Variants in ANK2 observed in about 807,000 individuals in gnomAD.
ANK2 encodes ankyrin-2.
ANK2 carries 83 observed loss-of-function variants against 360.5 expected under a neutral mutation model. That is an observed-to-expected ratio of 0.23 (90% CI 0.19 to 0.28). The LOEUF is 0.28. ANK2 is among the 10% of genes least tolerant of loss of function. The pLI is 1.00. For synonymous variants in ANK2, 1,740 were observed against 1,759.5 expected (o/e 0.99, Z 0.28); for missense variants, 4,201 against 4,795.7 (o/e 0.88, Z 3.66).
intron 2 of ANK2, among the ~76,000 whole-genome samples, chr4:113,012,553 A>T (rs1043917768): frequency 6.6e-6 from 1 of 152,196 alleles, no homozygotes; most frequent in African/African-American, 2.4e-5. Context: ...CGGTGTTTCA[A>T]GTGAGATACC....
At chr4:113,335,387 A>G (rs2093381205) in intron 29 of ANK2, among the ~76,000 whole-genome samples, 1 of 152,218 alleles carries the variant, frequency 6.6e-6, no homozygotes, top group East Asian at 1.9e-4. Flanking sequence ...CTGAAAACCC[A>G]AAGGGCTATG....
At chr4:112,751,747 A>G in the ANK2 span, among the ~76,000 whole-genome samples, 1 of 152,190 alleles carries the variant, frequency 6.6e-6, no homozygotes, top group Non-Finnish European at 1.5e-5. Context: ...CTTATCTCTA[A>G]GGTAGGAAGT....
intron 2 of ANK2, among the ~76,000 whole-genome samples, chr4:112,963,567 G>A (rs991876496): frequency 6.6e-6 from 1 of 152,142 alleles, no homozygotes; most frequent in African/African-American, 2.4e-5. Context: ...CACGTGTCTT[G>A]AGAAGGGGCA....
intron 2 of ANK2, among the ~76,000 whole-genome samples, chr4:112,923,630 G>C (rs754010260): frequency 6.6e-6 from 1 of 152,088 alleles, no homozygotes; most frequent in Non-Finnish European, 1.5e-5. Context: ...TTCATTTTAA[G>C]TACTCCCAAA....
the ANK2 span, among the ~76,000 whole-genome samples, chr4:112,800,394 CGT>C: frequency 6.6e-6 from 1 of 151,950 alleles, no homozygotes; most frequent in Non-Finnish European, 1.5e-5. Context: ...ACAAATCTAG[CGT>C]GTGTGTGTAT....
chr4:112,953,676 G>A (rs563145975), intron 2 of ANK2, among the ~76,000 whole-genome samples: 1 of 152,288 alleles, frequency 6.6e-6, no homozygotes, highest in East Asian at 1.9e-4. Flanking sequence ...TTCTCTAGAG[G>A]TCTAATTATT....
intron 1 of ANK2, among the ~76,000 whole-genome samples, chr4:113,147,684 A>G (rs952708350): frequency 3.3e-5 from 5 of 152,226 alleles, no homozygotes; most frequent in African/African-American, 1.2e-4. Context: ...ATGTGGTTCT[A>G]GGTAGTTTAA....
chr4:112,711,275 G>C, the ANK2 span, among the ~76,000 whole-genome samples: 1 of 151,824 alleles, frequency 6.6e-6, no homozygotes, highest in African/African-American at 2.4e-5. Context: ...ATTCACAGGT[G>C]CAGTCGTTCT....
the ANK2 span, among the ~76,000 whole-genome samples, chr4:112,786,311 G>A: frequency 1.3e-5 from 2 of 150,796 alleles, no homozygotes; most frequent in African/African-American, 4.9e-5. Context: ...TATGAGGTGT[G>A]GGTATAGATC....
the ANK2 span, among the ~76,000 whole-genome samples, chr4:112,732,594 C>G: frequency 2.0e-5 from 3 of 152,102 alleles, no homozygotes; most frequent in East Asian, 3.9e-4. Flanking sequence ...GTCATAAACT[C>G]TTTGCAATGT....
At chr4:113,068,453 T>A (rs998679375) in intron 1 of ANK2, among the ~76,000 whole-genome samples, 1 of 152,130 alleles carries the variant, frequency 6.6e-6, no homozygotes, top group Non-Finnish European at 1.5e-5. Context: ...CATACAAACT[T>A]TGGAAAATTT....
the ANK2 span, among the ~76,000 whole-genome samples, chr4:112,743,892 G>A: frequency 2.7e-5 from 4 of 149,980 alleles, no homozygotes; most frequent in Admixed American, 1.3e-4. Context: ...CTGCAGTGGC[G>A]GATCCAGCTC....
chr4:113,247,207 AG>A (rs2043429466), intron 9 of ANK2, among the ~76,000 whole-genome samples: 1 of 151,894 alleles, frequency 6.6e-6, no homozygotes, highest in Non-Finnish European at 1.5e-5. Context: ...GGTCTCTGGA[AG>A]GGGGAAAAAC....
chr4:113,233,271 A>G (rs1473161485), intron 5 of ANK2, among the ~76,000 whole-genome samples: 2 of 147,610 alleles, frequency 1.4e-5, no homozygotes, highest in Non-Finnish European at 3.0e-5. Context: ...AGTAGCTGGG[A>G]CTACAGGCGC....
intron 1 of ANK2, among the ~76,000 whole-genome samples, chr4:113,087,228 CA>C (rs2085312691): frequency 1.3e-5 from 2 of 152,054 alleles, no homozygotes; most frequent in South Asian, 4.1e-4. Flanking sequence ...AAGAGTATTT[CA>C]AACAGAGAGA....
chr4:113,235,379 C>T (rs2099363789), intron 5 of ANK2, among the ~76,000 whole-genome samples: 1 of 152,038 alleles, frequency 6.6e-6, no homozygotes, highest in African/African-American at 2.4e-5. Context: ...ATTATTATTG[C>T]TGGTACTGCA....
intron 2 of ANK2, among the ~76,000 whole-genome samples, chr4:113,012,809 T>C (rs1429601827): frequency 6.6e-6 from 1 of 152,166 alleles, no homozygotes; most frequent in Non-Finnish European, 1.5e-5. Flanking sequence ...GTTTATTGAA[T>C]ATACATATCA....
At chr4:113,020,012 AC>A (rs2057646501) in intron 2 of ANK2, among the ~76,000 whole-genome samples, 1 of 152,188 alleles carries the variant, frequency 6.6e-6, no homozygotes, top group Admixed American at 6.5e-5. Flanking sequence ...GTCCTAGGTA[AC>A]TGGTTAGGCT....
At chr4:112,968,341 A>G (rs1022377672) in intron 2 of ANK2, among the ~76,000 whole-genome samples, 6 of 152,154 alleles carry the variant, frequency 3.9e-5, no homozygotes, top group Non-Finnish European at 8.8e-5. Context: ...GGCCCGTCCA[A>G]CCAGCTGGAC....
Sources: gnomAD v4.1 joint callset for allele counts (sites outside exome capture counted in the v4.1 genomes callset) on GRCh38, gnomAD v4.1.1 for gene constraint, MANE v1.5 for transcripts, NCBI Gene and HGNC (gene_info 2026-07-23, HGNC 2026-07-21) for gene names.